TRPS1: variants seen among roughly 807,000 people sequenced by gnomAD.
The protein encoded by TRPS1 is transcriptional repressor GATA binding 1.
A neutral mutation model predicts 101.2 loss-of-function variants in TRPS1; 6 were observed. The observed-to-expected ratio is 0.06, with a 90% CI of 0.03 to 0.12. The LOEUF is 0.12. Ranked by LOEUF, TRPS1 falls within the 10% of genes least tolerant of loss-of-function variation. The pLI, the probability that TRPS1 is intolerant of heterozygous loss-of-function variation, is 1.00. For missense variants in TRPS1, 1,363 were observed against 1,567.0 expected (o/e 0.87, Z 2.20); for synonymous variants, 578 against 589.8 (o/e 0.98, Z 0.29).
chr8:115,441,894 A>AGTGT (rs746166025), intron 5 of TRPS1, among the ~76,000 whole-genome samples: 21,128 of 129,340 alleles, frequency 0.16, 1,591 homozygotes, highest in Middle Eastern at 0.23. Flanking sequence ...AGAGAGAGAG[A>AGTGT]GAGAGTGTGT....
At chr8:115,470,527 T>C (rs1814441686) in intron 5 of TRPS1, among the ~76,000 whole-genome samples, 2 of 152,218 alleles carry the variant, frequency 1.3e-5, no homozygotes, top group Admixed American at 6.5e-5. Flanking sequence ...TTGTGTATCA[T>C]TAGAATCAGA....
At chr8:115,535,144 A>ATATAGCATATG (rs1204923735) in intron 5 of TRPS1, among the ~76,000 whole-genome samples, 4 of 27,694 alleles carry the variant, frequency 1.4e-4, no homozygotes, top group African/African-American at 6.0e-4. Context: ...TATAGCATAT[A>ATATAGCATATG]TATAGCATAT....
At chr8:115,583,317 A>G (rs1461872278) in intron 5 of TRPS1, among the ~76,000 whole-genome samples, 2 of 152,138 alleles carry the variant, frequency 1.3e-5, no homozygotes, top group Non-Finnish European at 2.9e-5. Context: ...ATGAATGCTG[A>G]CTATACTATA....
At chr8:115,542,613 C>T (rs1816480551) in intron 5 of TRPS1, among the ~76,000 whole-genome samples, 4 of 151,970 alleles carry the variant, frequency 2.6e-5, no homozygotes, top group Admixed American at 2.6e-4. Context: ...GATTTAGGCG[C>T]CGGCCACTCC....
chr8:115,607,437 T>G (rs1818065736), intron 3 of TRPS1, among the ~76,000 whole-genome samples: 1 of 151,338 alleles, frequency 6.6e-6, no homozygotes, highest in African/African-American at 2.4e-5. Flanking sequence ...TTTTTTTTTT[T>G]GTTAAACCCA....
At chr8:115,651,690 T>A (rs1563671065) in intron 1 of TRPS1, among the ~76,000 whole-genome samples, 1 of 152,178 alleles carries the variant, frequency 6.6e-6, no homozygotes, top group South Asian at 2.1e-4. Flanking sequence ...TTAACCTAAA[T>A]GAGCGGAGGT....
In TRPS1 at chr8:115,623,676, A is replaced by T. The variant is rs1818446920; in HGVS notation, c.-39T>A. The T allele has an allele frequency of 1.2e-6, 2 of 1,606,250 alleles. No homozygotes were observed. The highest frequency in any genetic ancestry group is 8.5e-7 in the Non-Finnish European group (1 of 1,175,870). On this transcript the variant is annotated 5_prime_UTR_variant, in exon 2 of 7. Transcript: ENST00000395715. ...GCTTTTTACAATTATTAATTCTATT[A>T]GTCAACTAGCAGGAGGCTAATGCAA...
chr8:115,457,586 C>G (rs923538392), intron 5 of TRPS1, among the ~76,000 whole-genome samples: 1 of 152,058 alleles, frequency 6.6e-6, no homozygotes, highest in Non-Finnish European at 1.5e-5. Flanking sequence ...GAGTTGTACA[C>G]TTCAAAATTA....
intron 5 of TRPS1, among the ~76,000 whole-genome samples, chr8:115,562,641 A>T (rs1464024140): frequency 1.3e-5 from 2 of 152,134 alleles, no homozygotes; most frequent in Non-Finnish European, 2.9e-5. Context: ...AGTCAGGCTG[A>T]ACAAAATTTT....
chr8:115,522,352 T>C (rs1815886603), intron 5 of TRPS1, among the ~76,000 whole-genome samples: 1 of 152,044 alleles, frequency 6.6e-6, no homozygotes, highest in Admixed American at 6.6e-5. Flanking sequence ...CTCTTAGCTC[T>C]CTGTGTTATA....
At chr8:115,484,757 T>A (rs800910) in intron 5 of TRPS1, among the ~76,000 whole-genome samples, 52,150 of 151,994 alleles carry the variant, frequency 0.34, 9,912 homozygotes, top group Non-Finnish European at 0.45. Flanking sequence ...TCTCATTGAC[T>A]GAACATTTAA....
At chr8:115,458,772 T>C (rs1228167800) in intron 5 of TRPS1, among the ~76,000 whole-genome samples, 2 of 152,198 alleles carry the variant, frequency 1.3e-5, no homozygotes, top group Non-Finnish European at 2.9e-5. Flanking sequence ...GGGCATGCCG[T>C]GTTCATAGAG....
chr8:115,623,816 T>C (rs970682427), intron 1 of TRPS1, 58 bp from the exon 2 acceptor site: 3 of 1,384,504 alleles, frequency 2.2e-6, no homozygotes, highest in Admixed American at 2.9e-5. Flanking sequence ...CATATTTTCA[T>C]GTATCACACC....
At chr8:115,492,657 G>A (rs1586328892) in intron 5 of TRPS1, among the ~76,000 whole-genome samples, 2 of 152,216 alleles carry the variant, frequency 1.3e-5, no homozygotes, top group East Asian at 1.9e-4. Context: ...TGGACTCTAC[G>A]TTTCTCTGAA....
chr8:115,641,793 T>G (rs1818903157), intron 1 of TRPS1, among the ~76,000 whole-genome samples: 1 of 152,020 alleles, frequency 6.6e-6, no homozygotes. Context: ...GGCAGGAGAA[T>G]CACTTGAACC....
intron 4 of TRPS1, among the ~76,000 whole-genome samples, chr8:115,594,008 TA>T (rs781123761): frequency 1.4e-4 from 21 of 152,104 alleles, no homozygotes; most frequent in Non-Finnish European, 2.9e-4. Flanking sequence ...AGATTGACAG[TA>T]AGTATCTGCT....
At chr8:115,449,942 G>T (rs1446981494) in intron 5 of TRPS1, among the ~76,000 whole-genome samples, 1 of 134,532 alleles carries the variant, frequency 7.4e-6, no homozygotes, top group Non-Finnish European at 1.6e-5. Context: ...AGATGCCAAA[G>T]TAATATGTGA....
intron 1 of TRPS1, among the ~76,000 whole-genome samples, chr8:115,665,035 T>C (rs1811889026): frequency 6.6e-6 from 1 of 152,176 alleles, no homozygotes; most frequent in Non-Finnish European, 1.5e-5. Flanking sequence ...AAAGTCTGTG[T>C]TGTTGTACAC....
At chr8:115,616,674 A>G (rs1818283404) in intron 3 of TRPS1, among the ~76,000 whole-genome samples, 1 of 152,198 alleles carries the variant, frequency 6.6e-6, no homozygotes, top group African/African-American at 2.4e-5. Context: ...ACTTATATAT[A>G]ATTCCTAAAA....
Sources: gnomAD v4.1 joint callset for allele counts (sites outside exome capture counted in the v4.1 genomes callset) on GRCh38, gnomAD v4.1.1 for gene constraint, MANE v1.5 for transcripts, NCBI Gene and HGNC (gene_info 2026-07-23, HGNC 2026-07-21) for gene names.